PCDH15: variants seen among roughly 807,000 people sequenced by gnomAD.
The protein encoded by PCDH15 is protocadherin-15.
In PCDH15, 129 loss-of-function variants were observed where a neutral mutation model predicts 178.5. The ratio of observed to expected loss-of-function variants is 0.72; its 90% CI spans 0.63 to 0.84. The LOEUF is 0.84. Ranked by LOEUF, PCDH15 falls within the 40% of genes least tolerant of loss-of-function variation. PCDH15 has a pLI of 0.00. For missense variants in PCDH15, 2,230 were observed against 2,099.9 expected (o/e 1.06, Z -1.21); for synonymous variants, 800 against 732.0 (o/e 1.09, Z -1.50).
chr10:55,214,446 C>A (rs2132174574), intron 1 of PCDH15, among the ~76,000 whole-genome samples: 1 of 151,920 alleles, frequency 6.6e-6, no homozygotes, highest in Non-Finnish European at 1.5e-5. Context: ...TAGACACGCA[C>A]AAGTTTAAAT....
At chr10:53,964,764 T>C (rs1451291060) in intron 21 of PCDH15, among the ~76,000 whole-genome samples, 1 of 151,888 alleles carries the variant, frequency 6.6e-6, no homozygotes, top group Non-Finnish European at 1.5e-5. Flanking sequence ...CAAGGACACA[T>C]TTTTTTAGAA....
intron 2 of PCDH15, among the ~76,000 whole-genome samples, chr10:55,065,540 T>A (rs1180887614): frequency 6.6e-6 from 1 of 152,064 alleles, no homozygotes; most frequent in Non-Finnish European, 1.5e-5. Context: ...CTTGTATGTA[T>A]CTGTTTACAT....
chr10:55,350,268 T>TACACAC (rs766450240), intron 2 of PCDH15, among the ~76,000 whole-genome samples: 1 of 56,764 alleles, frequency 1.8e-5, no homozygotes, highest in South Asian at 6.2e-4. Context: ...TATATATATA[T>TACACAC]ACACACACAC....
intron 3 of PCDH15, among the ~76,000 whole-genome samples, chr10:54,403,754 A>G (rs1952243459): frequency 6.6e-6 from 1 of 151,978 alleles, no homozygotes; most frequent in Non-Finnish European, 1.5e-5. Flanking sequence ...CTCAGGATAC[A>G]AAATCAACGT....
intron 1 of PCDH15, among the ~76,000 whole-genome samples, chr10:54,773,730 G>A (rs1313455684): frequency 6.6e-6 from 1 of 151,964 alleles, no homozygotes; most frequent in East Asian, 1.9e-4. Flanking sequence ...CCCCTGACTA[G>A]AAACACTATT....
rs566389941 is a variant in PCDH15, at chr10:54,433,657, A to G, written c.158-54715T>C. 7.9e-5 allele frequency among the ~76,000 whole-genome samples: 12 copies of G among 152,282 alleles called. No individual in the cohort carries two copies. The South Asian group carries it at 2.5e-3, about 32-fold the overall frequency. ...GCTCAACAGAGGGACTATAGTCAACAATAATTTAATTGTAAATTTAAAAAT... is the reference window on the plus strand; with the variant it reads ...GCTCAACAGAGGGACTATAGTCAACGATAATTTAATTGTAAATTTAAAAAT... On this transcript the variant is annotated intron_variant, in intron 3 of 37. Coordinates refer to ENST00000644397, the MANE Select transcript of PCDH15 (RefSeq NM_001384140.1).
intron 3 of PCDH15, among the ~76,000 whole-genome samples, chr10:54,435,984 A>G: frequency 7.9e-6 from 1 of 125,806 alleles, no homozygotes; most frequent in South Asian, 2.4e-4. Flanking sequence ...AAATGAAAGA[A>G]AGAAAAGAAA....
At chr10:54,780,415 T>C (rs1210114496) in intron 1 of PCDH15, among the ~76,000 whole-genome samples, 1 of 152,118 alleles carries the variant, frequency 6.6e-6, no homozygotes, top group Non-Finnish European at 1.5e-5. Flanking sequence ...CTGCAAGGCT[T>C]GGGAACTGGG....
chr10:54,540,896 A>G (rs2085136143), intron 2 of PCDH15, among the ~76,000 whole-genome samples: 2 of 152,216 alleles, frequency 1.3e-5, no homozygotes, highest in African/African-American at 4.8e-5. Flanking sequence ...AAACAAAATT[A>G]AAACCAAAAA....
intron 14 of PCDH15, among the ~76,000 whole-genome samples, chr10:54,133,532 G>C (rs2042625254): frequency 6.6e-6 from 1 of 152,060 alleles, no homozygotes; most frequent in Admixed American, 6.6e-5. Context: ...ACGTAAAATA[G>C]TTGCAAACAA....
chr10:55,417,968 T>C (rs1838525400), intron 2 of PCDH15, among the ~76,000 whole-genome samples: 3 of 151,648 alleles, frequency 2.0e-5, no homozygotes, highest in African/African-American at 7.2e-5. Flanking sequence ...ATTGTGCATA[T>C]ATAAAGAAAA....
intron 2 of PCDH15, among the ~76,000 whole-genome samples, chr10:54,932,201 C>A (rs1037583756): frequency 3.3e-5 from 5 of 152,150 alleles, no homozygotes; most frequent in African/African-American, 4.8e-5. Flanking sequence ...AAAAGGCATT[C>A]TTATCAGAGG....
intron 1 of PCDH15, among the ~76,000 whole-genome samples, chr10:54,759,736 C>A (rs1267947829): frequency 2.6e-5 from 4 of 152,172 alleles, no homozygotes; most frequent in African/African-American, 9.7e-5. Flanking sequence ...TCTTCCCTAA[C>A]TTTTTGAGAA....
At chr10:54,901,681 ATAT>A (rs1954642006) in intron 2 of PCDH15, among the ~76,000 whole-genome samples, 1 of 152,160 alleles carries the variant, frequency 6.6e-6, no homozygotes, top group African/African-American at 2.4e-5. Context: ...TACATGACTC[ATAT>A]TATAATCCAT....
intron 1 of PCDH15, among the ~76,000 whole-genome samples, chr10:55,278,407 G>C (rs1168606808): frequency 5.9e-5 from 9 of 151,734 alleles, no homozygotes; most frequent in Non-Finnish European, 1.3e-4. Flanking sequence ...TTTAAATAGA[G>C]ACAAGGTTTC....
At chr10:55,124,996 T>C (rs1251496521) in intron 2 of PCDH15, among the ~76,000 whole-genome samples, 1 of 151,756 alleles carries the variant, frequency 6.6e-6, no homozygotes, top group African/African-American at 2.4e-5. Context: ...ATGCTCTCTA[T>C]AAAAAAAGAC....
chr10:54,361,343 G>A (rs1233116032), intron 5 of PCDH15, among the ~76,000 whole-genome samples: 1 of 152,034 alleles, frequency 6.6e-6, no homozygotes, highest in East Asian at 1.9e-4. Flanking sequence ...GAAAATAGGT[G>A]TATTTTACTT....
chr10:54,945,351 T>TA (rs36018565), intron 2 of PCDH15, among the ~76,000 whole-genome samples: 33,925 of 136,512 alleles, frequency 0.25, 4,195 homozygotes, highest in African/African-American at 0.31. Context: ...GATAGATAGA[T>TA]GATAGATAGA....
At chr10:54,532,783 C>T (rs1166952429) in intron 2 of PCDH15, among the ~76,000 whole-genome samples, 1 of 151,840 alleles carries the variant, frequency 6.6e-6, no homozygotes, top group African/African-American at 2.4e-5. Context: ...ACAACTAATT[C>T]CAGGCCTGAG....
Sources: allele counts gnomAD v4.1 joint callset (sites outside exome capture counted in the v4.1 genomes callset), GRCh38; gene constraint gnomAD v4.1.1; transcripts MANE v1.5; gene names NCBI Gene and HGNC (gene_info 2026-07-23, HGNC 2026-07-21).